The following DIP2A variants were observed in gnomAD, a reference collection of about 807,000 sequenced individuals.
DIP2A encodes DIP2 acetate--CoA ligase A.
Under a neutral mutation model 177.4 loss-of-function variants are expected in DIP2A, and 85 were observed. The ratio of observed to expected loss-of-function variants is 0.48; its 90% CI spans 0.40 to 0.57. The LOEUF is 0.57. DIP2A is among the 20% of genes least tolerant of loss of function. The probability of loss-of-function intolerance (pLI) is 0.00; values close to 1 mark genes in which losing one functional copy is unlikely to be tolerated. For synonymous variants in DIP2A, 886 were observed against 881.8 expected, an observed-to-expected ratio of 1.00 and a Z score of -0.08; for missense variants, 1,791 against 2,100.2, an observed-to-expected ratio of 0.85 and a Z score of 2.88.
At chr21:46,477,168 G>T (rs1411852060) in intron 1 of DIP2A, among the ~76,000 whole-genome samples, 2 of 152,054 alleles carry the variant, frequency 1.3e-5, no homozygotes, top group Non-Finnish European at 2.9e-5. Flanking sequence ...TAGCAACATT[G>T]ACTTAAGCTT....
chr21:46,469,877 C>T (rs2055193031), intron 1 of DIP2A, among the ~76,000 whole-genome samples: 1 of 152,094 alleles, frequency 6.6e-6, no homozygotes, highest in Non-Finnish European at 1.5e-5. Context: ...GCATTAGCCA[C>T]GTGTGACTGC....
At chr21:46,581,426 A>C in the DIP2A span, among the ~76,000 whole-genome samples, 1 of 152,218 alleles carries the variant, frequency 6.6e-6, no homozygotes, top group Non-Finnish European at 1.5e-5. Flanking sequence ...GTTATTACCC[A>C]CATTCTGAAG....
chr21:46,510,627 C>CTTTT (rs3060304), intron 7 of DIP2A, among the ~76,000 whole-genome samples: 1 of 105,694 alleles, frequency 9.5e-6, no homozygotes, highest in Non-Finnish European at 2.0e-5. Flanking sequence ...ATCAAATAAT[C>CTTTT]TTTTTTTTTT....
At chr21:46,479,762 G>T (rs2056200420) in intron 1 of DIP2A, among the ~76,000 whole-genome samples, 1 of 152,160 alleles carries the variant, frequency 6.6e-6, no homozygotes, top group South Asian at 2.1e-4. Context: ...CTAACTCTTG[G>T]GCTCAAGCAG....
In DIP2A at chr21:46,556,176, G is replaced by C. The variant is rs936618040; in HGVS notation, c.3498+85G>C. 3 of 1,426,822 alleles carry C rather than the reference G, an allele frequency of 2.1e-6. No individual in the cohort carries two copies. Among genetic ancestry groups the C allele is most frequent in the African/African-American group, 2.8e-5 (2 of 70,726 alleles). The allele number at this position is 1,426,822 out of a possible 1,614,324, so 88.4% of individuals were successfully genotyped here. A position where few individuals can be genotyped will look rare whatever the true frequency, so the allele number is the denominator to read the frequency against. ...AGGATGTCAGATGCAGATTTAAACT[G>C]ACAGGTCCTTCTTATGCAAAGCACA... is the stretch of plus-strand genomic sequence containing the variant. On this transcript the variant is annotated intron_variant, in intron 29 of 37. Coordinates refer to ENST00000417564, the MANE Select transcript of DIP2A (RefSeq NM_015151.4). The surrounding 1 kb of genome is among the most constrained non-coding windows in gnomAD (Gnocchi z 4.5).
At chr21:46,565,631 T>C in intron 35 of DIP2A, 82 bp from the exon 36 acceptor site, 5 of 1,394,068 alleles carry the variant, frequency 3.6e-6, no homozygotes, top group Non-Finnish European at 4.9e-6. Flanking sequence ...GGAGCATTAT[T>C]CTTGGCCAGT....
intron 3 of DIP2A, among the ~76,000 whole-genome samples, chr21:46,491,701 T>G (rs993757285): frequency 6.6e-6 from 1 of 152,190 alleles, no homozygotes; most frequent in Non-Finnish European, 1.5e-5. Flanking sequence ...CGCACACATG[T>G]GTACTTTCCA....
intron 9 of DIP2A, among the ~76,000 whole-genome samples, chr21:46,529,818 G>A (rs1047319685): frequency 1.5e-4 from 23 of 152,152 alleles, no homozygotes; most frequent in African/African-American, 4.8e-4. Flanking sequence ...AAACCCTGCT[G>A]TGAAATTCTG....
intron 1 of DIP2A, among the ~76,000 whole-genome samples, chr21:46,483,041 G>T (rs890218854): frequency 3.9e-5 from 6 of 152,170 alleles, no homozygotes; most frequent in African/African-American, 1.4e-4. Flanking sequence ...GTGGACCTGG[G>T]AGTGTGCAGT....
At position 46,528,942 on chromosome 21, in the gene DIP2A, A is replaced by G. The variant is rs924381261; in HGVS notation, c.1103-150A>G. On this transcript the variant is annotated intron_variant, in intron 8 of 37. Transcript: ENST00000417564. ...AGAGAAAACAATGATGTTCATTACA[A>G]CATTGTGCAGAATAGTTATTAGTTG... is the stretch of plus-strand genomic sequence containing the variant. 5 of 496,534 alleles carry G rather than the reference A, an allele frequency of 1.0e-5. No individual in the cohort carries two copies. In the South Asian group the frequency reaches 1.1e-4, roughly 11 times the overall value. 30.8% of individuals were successfully genotyped at this position (496,534 alleles called of 1,614,324 possible). A position where few individuals can be genotyped will look rare whatever the true frequency, so the allele number is the denominator to read the frequency against.
At chr21:46,482,483 G>A (rs1404419066) in intron 1 of DIP2A, among the ~76,000 whole-genome samples, 1 of 152,126 alleles carries the variant, frequency 6.6e-6, no homozygotes, top group Non-Finnish European at 1.5e-5. Context: ...ATAATACTTG[G>A]TAATGATAAA....
At chr21:46,529,916 G>A (rs1426651551) in intron 9 of DIP2A, among the ~76,000 whole-genome samples, 1 of 152,142 alleles carries the variant, frequency 6.6e-6, no homozygotes, top group Admixed American at 6.5e-5. Context: ...TTATTCTCTT[G>A]TGCTACACTG....
At chr21:46,472,893 G>T (rs1023355) in intron 1 of DIP2A, among the ~76,000 whole-genome samples, 24,698 of 152,182 alleles carry the variant, frequency 0.16, 2,290 homozygotes, top group African/African-American at 0.21. Context: ...AGAACTTTCT[G>T]CTACGATGGG....
chr21:46,555,561 TG>T, intron 28 of DIP2A: 1 of 206,730 alleles, frequency 4.8e-6, no homozygotes, highest in Non-Finnish European at 9.9e-6. Flanking sequence ...GTCTGGCTCA[TG>T]GGGCCACGAG....
In DIP2A at chr21:46,498,852, C is replaced by CG; in HGVS notation, c.655+21dup. ...CACATAGGTCAGTAATAAGCTGCTG[C>CG]GGCCCCTGTGCCAGCAGAGCGGGGT... On this transcript the variant is annotated intron_variant, in intron 5 of 37. Coordinates refer to ENST00000417564, the MANE Select transcript of DIP2A (RefSeq NM_015151.4). The surrounding 1 kb of genome is among the most constrained non-coding windows in gnomAD (Gnocchi z 4.3). The CG allele has an allele frequency of 6.3e-7, 1 of 1,597,850 alleles. No homozygotes were observed. Among genetic ancestry groups the CG allele is most frequent in the Non-Finnish European group, 8.5e-7 (1 of 1,169,790 alleles).
intron 2 of DIP2A, among the ~76,000 whole-genome samples, chr21:46,487,318 G>T (rs1391984322): frequency 6.6e-6 from 1 of 152,184 alleles, no homozygotes; most frequent in East Asian, 1.9e-4. Context: ...AACAAACTCA[G>T]AGTAAAATTG....
chr21:46,522,989 G>A (rs956119992), intron 8 of DIP2A, among the ~76,000 whole-genome samples: 3 of 151,864 alleles, frequency 2.0e-5, no homozygotes, highest in Non-Finnish European at 4.4e-5. Flanking sequence ...GTAATGGCGC[G>A]ATCTCAGGTC....
At chr21:46,490,751 G>C in intron 3 of DIP2A, 32 bp downstream of exon 3, 1 of 1,540,572 alleles carries the variant, frequency 6.5e-7, no homozygotes, top group Non-Finnish European at 8.7e-7. Flanking sequence ...TGGGGAAGGT[G>C]GACGGGCCTG....
intron 18 of DIP2A, 43 bp downstream of exon 18, chr21:46,541,938 G>A: frequency 6.2e-7 from 1 of 1,612,514 alleles, no homozygotes; most frequent in Non-Finnish European, 8.5e-7. Flanking sequence ...ATGACTGATT[G>A]AGGTAACGAA....
Sources: allele counts gnomAD v4.1 joint callset (sites outside exome capture counted in the v4.1 genomes callset), GRCh38; gene constraint gnomAD v4.1.1; non-coding constraint Gnocchi (gnomAD v3.1); transcripts MANE v1.5; gene names NCBI Gene and HGNC (gene_info 2026-07-23, HGNC 2026-07-21).